Variants in ROR1 observed in about 807,000 individuals in gnomAD.
ROR1 encodes inactive tyrosine-protein kinase transmembrane receptor ROR1.
ROR1 carries 19 observed loss-of-function variants against 78.8 expected under a neutral mutation model. That is an observed-to-expected ratio of 0.24 (90% CI 0.17 to 0.35). The LOEUF (loss-of-function observed/expected upper bound fraction) is 0.35. ROR1 is among the 10% of genes least tolerant of loss of function. The pLI, the probability that ROR1 is intolerant of heterozygous loss-of-function variation, is 1.00. For synonymous variants in ROR1, 386 were observed against 433.6 expected (o/e 0.89, Z 1.36); for missense variants, 917 against 1,177.8 (o/e 0.78, Z 3.24).
chr1:63,933,567 A>C, intron 1 of ROR1, among the ~76,000 whole-genome samples: 1 of 152,246 alleles, frequency 6.6e-6, no homozygotes, highest in Non-Finnish European at 1.5e-5. Context: ...GAGACCATTA[A>C]GATCTTGCCA....
intron 1 of ROR1, among the ~76,000 whole-genome samples, chr1:63,864,875 T>C (rs1356719303): frequency 6.6e-6 from 1 of 151,986 alleles, no homozygotes; most frequent in African/African-American, 2.4e-5. Flanking sequence ...TTTTTTCCTT[T>C]TGTTTTACCT....
chr1:63,826,071 C>G (rs1644951292), intron 1 of ROR1, among the ~76,000 whole-genome samples: 1 of 152,098 alleles, frequency 6.6e-6, no homozygotes, highest in African/African-American at 2.4e-5. Flanking sequence ...AAGTAGGAGG[C>G]CAGGCACTGA....
chr1:63,944,124 GCTT>G (rs1276755664), intron 1 of ROR1, among the ~76,000 whole-genome samples: 1 of 152,192 alleles, frequency 6.6e-6, no homozygotes, highest in Admixed American at 6.5e-5. Context: ...ACAGATATAT[GCTT>G]CTAGTCTCTC....
chr1:64,158,249 A>G (rs1045365486), intron 7 of ROR1, among the ~76,000 whole-genome samples: 1 of 152,244 alleles, frequency 6.6e-6, no homozygotes, highest in Admixed American at 6.5e-5. Context: ...GAAACCATTT[A>G]AGAATTCTGG....
rs375135056 is a variant in ROR1, at chr1:64,059,495, A to G, written c.482+8779A>G. Reference sequence around the variant, plus strand: ...GGAAGCCAGGGCAGCTGGATCATGAAGTCAGGAGTTCGAGGCCAGCCTGAC... The same window carrying G: ...GGAAGCCAGGGCAGCTGGATCATGAGGTCAGGAGTTCGAGGCCAGCCTGAC... On this transcript the variant is annotated intron_variant, in intron 4 of 8. Transcript: ENST00000371079. Among the ~76,000 whole-genome samples the G allele has an allele frequency of 1.2e-3, 176 of 152,186 alleles. 1 individual carries two copies. Among genetic ancestry groups the G allele is most frequent in the African/African-American group, 3.9e-3 (164 of 41,524 alleles).
At chr1:64,052,668 G>A (rs1000856347) in intron 4 of ROR1, among the ~76,000 whole-genome samples, 3 of 152,144 alleles carry the variant, frequency 2.0e-5, no homozygotes, top group Non-Finnish European at 2.9e-5. Flanking sequence ...ACGCATCTCT[G>A]TTTTATATTA....
At chr1:63,947,230 C>T (rs1645897742) in intron 1 of ROR1, among the ~76,000 whole-genome samples, 1 of 152,056 alleles carries the variant, frequency 6.6e-6, no homozygotes, top group Non-Finnish European at 1.5e-5. Flanking sequence ...GTATGGCAGC[C>T]CAACTTGTTA....
At chr1:63,936,251 T>G (rs550175053) in intron 1 of ROR1, among the ~76,000 whole-genome samples, 2 of 152,328 alleles carry the variant, frequency 1.3e-5, no homozygotes, top group East Asian at 3.9e-4. Flanking sequence ...AAACACATTA[T>G]CACGGAGCAC....
At chr1:64,003,476 C>T (rs1646403768) in intron 1 of ROR1, among the ~76,000 whole-genome samples, 1 of 152,118 alleles carries the variant, frequency 6.6e-6, no homozygotes, top group African/African-American at 2.4e-5. Context: ...ATCAGAAATC[C>T]AAATTTGAGG....
chr1:63,919,476 T>G (rs1386085275), intron 1 of ROR1, among the ~76,000 whole-genome samples: 1 of 147,094 alleles, frequency 6.8e-6, no homozygotes, highest in South Asian at 2.2e-4. Flanking sequence ...TGAGCAGTGT[T>G]CATTGAATTG....
At chr1:64,073,245 A>G (rs1209019969) in intron 4 of ROR1, among the ~76,000 whole-genome samples, 5 of 152,148 alleles carry the variant, frequency 3.3e-5, no homozygotes, top group Admixed American at 3.3e-4. Context: ...AACCCCTGAG[A>G]AAATACTAGC....
chr1:64,118,500 G>T (rs1319261017), intron 4 of ROR1, among the ~76,000 whole-genome samples: 4 of 151,854 alleles, frequency 2.6e-5, no homozygotes, highest in Non-Finnish European at 5.9e-5. Context: ...GGTGGTGCAT[G>T]CCTGTAATCC....
intron 8 of ROR1, among the ~76,000 whole-genome samples, chr1:64,168,019 G>A (rs976431518): frequency 6.6e-6 from 1 of 152,232 alleles, no homozygotes. Context: ...TAATAGTTGT[G>A]CTTCTTTAGG....
rs557389330 is a variant in ROR1 at position 63,871,264 on chromosome 1, G to C, written c.91+96756G>C. Among the ~76,000 whole-genome samples, 3 of 152,312 alleles carry C rather than the reference G, an allele frequency of 2.0e-5. No homozygotes were observed. In the South Asian group the frequency reaches 6.2e-4, roughly 32 times the overall value. On this transcript the variant is annotated intron_variant, in intron 1 of 8. Transcript: ENST00000371079. Reference sequence around the variant, plus strand: ...TGGTCACCATAATAAGTACATGACAGATGGAGTCTTTGAAACATGGTACCC... The same window carrying C: ...TGGTCACCATAATAAGTACATGACACATGGAGTCTTTGAAACATGGTACCC...
intron 1 of ROR1, among the ~76,000 whole-genome samples, chr1:63,936,432 C>A (rs906191997): frequency 2.6e-5 from 4 of 152,114 alleles, no homozygotes; most frequent in Admixed American, 6.5e-5. Context: ...GGAATAATGA[C>A]TGTTTTCTAA....
intron 7 of ROR1, among the ~76,000 whole-genome samples, chr1:64,144,064 C>T (rs1649411613): frequency 1.3e-5 from 2 of 152,050 alleles, no homozygotes; most frequent in African/African-American, 4.8e-5. Context: ...GACGGAGGGA[C>T]ACGTGGGCAG....
At chr1:64,127,395 G>C (rs550724635) in intron 4 of ROR1, among the ~76,000 whole-genome samples, 1 of 152,126 alleles carries the variant, frequency 6.6e-6, no homozygotes, top group Non-Finnish European at 1.5e-5. Flanking sequence ...CGTATAGTAA[G>C]CTTTCATCTC....
chr1:64,142,273 C>A, intron 6 of ROR1, 132 bp from the exon 7 acceptor site: 2 of 1,421,568 alleles, frequency 1.4e-6, no homozygotes, highest in South Asian at 1.4e-5. Flanking sequence ...CCTGCATGGC[C>A]CCTGACCAGC....
chr1:63,943,106 A>G (rs955732619), intron 1 of ROR1, among the ~76,000 whole-genome samples: 1 of 151,798 alleles, frequency 6.6e-6, no homozygotes, highest in East Asian at 1.9e-4. Flanking sequence ...AAAAAAAAAA[A>G]AAAAAAAAAA....
Sources: gnomAD v4.1 joint callset for allele counts (sites outside exome capture counted in the v4.1 genomes callset) on GRCh38, gnomAD v4.1.1 for gene constraint, MANE v1.5 for transcripts, NCBI Gene and HGNC (gene_info 2026-07-23, HGNC 2026-07-21) for gene names.